STXBP5L: variants seen among roughly 807,000 people sequenced by gnomAD.
STXBP5L encodes syntaxin-binding protein 5-like.
A neutral mutation model predicts 144.5 loss-of-function variants in STXBP5L; 65 were observed. That is an observed-to-expected ratio of 0.45 (90% CI 0.37 to 0.55). The LOEUF (loss-of-function observed/expected upper bound fraction) is 0.55, where lower values mean the gene tolerates loss of function less well. Ranked by LOEUF, STXBP5L falls within the 20% of genes least tolerant of loss-of-function variation. The pLI is 0.00. For missense variants in STXBP5L, 1,298 were observed against 1,405.5 expected, an observed-to-expected ratio of 0.92 and a Z score of 1.22; for synonymous variants, 505 against 469.6, an observed-to-expected ratio of 1.08 and a Z score of -0.97.
chr3:121,054,155 A>G (rs1253657269), intron 5 of STXBP5L, among the ~76,000 whole-genome samples: 2 of 152,202 alleles, frequency 1.3e-5, no homozygotes, highest in South Asian at 2.1e-4. Flanking sequence ...ACTGTAATCT[A>G]GTTCAACCAT....
At chr3:120,945,703 C>G (rs1228190282) in intron 2 of STXBP5L, among the ~76,000 whole-genome samples, 1 of 151,732 alleles carries the variant, frequency 6.6e-6, no homozygotes, top group Non-Finnish European at 1.5e-5. Flanking sequence ...TTCACATAAA[C>G]TGCTTGGAAA....
At chr3:121,104,358 A>G (rs868552225) in intron 5 of STXBP5L, among the ~76,000 whole-genome samples, 3 of 152,314 alleles carry the variant, frequency 2.0e-5, no homozygotes, top group Middle Eastern at 3.4e-3. Context: ...ATTCCCATTA[A>G]AATACCATCA....
At chr3:121,303,155 A>G (rs1443923268) in intron 19 of STXBP5L, among the ~76,000 whole-genome samples, 1 of 152,224 alleles carries the variant, frequency 6.6e-6, no homozygotes, top group East Asian at 1.9e-4. Context: ...TAATATCCAG[A>G]ATCTACAATG....
intron 2 of STXBP5L, among the ~76,000 whole-genome samples, chr3:120,939,128 C>T (rs1710422992): frequency 6.6e-6 from 1 of 152,064 alleles, no homozygotes; most frequent in Non-Finnish European, 1.5e-5. Context: ...GTAATCATAC[C>T]ACCCATCTCA....
intron 5 of STXBP5L, among the ~76,000 whole-genome samples, chr3:121,097,358 G>A (rs1299440044): frequency 6.6e-6 from 1 of 152,118 alleles, no homozygotes; most frequent in Non-Finnish European, 1.5e-5. Flanking sequence ...ACTGGGGTAT[G>A]GAAAGAAAAA....
At position 121,006,456 on chromosome 3, in the gene STXBP5L, G is replaced by T. The variant is rs140920531; in HGVS notation, c.288-35244G>T. 2.9e-4 allele frequency among the ~76,000 whole-genome samples: 44 copies of T among 152,240 alleles called. No individual in the cohort carries two copies. The East Asian group carries it at 7.7e-3, about 27-fold the overall frequency. ...TGAGCCTATGTGTGTCCCTGCACGT[G>T]AGATGGGTTTCCTCAATACAGCACA... On this transcript the variant is annotated intron_variant, in intron 3 of 26. Coordinates refer to ENST00000471454, the MANE Select transcript of STXBP5L (RefSeq NM_001308330.2).
intron 5 of STXBP5L, among the ~76,000 whole-genome samples, chr3:121,101,139 G>A (rs2043402395): frequency 6.6e-6 from 1 of 151,986 alleles, no homozygotes; most frequent in Non-Finnish European, 1.5e-5. Flanking sequence ...ACAAGATGGA[G>A]TCACAGTCAA....
intron 9 of STXBP5L, among the ~76,000 whole-genome samples, chr3:121,185,554 A>T (rs1307263098): frequency 6.6e-6 from 1 of 152,154 alleles, no homozygotes; most frequent in Non-Finnish European, 1.5e-5. Flanking sequence ...TTGAATAGGG[A>T]GTCCTTTCTC....
chr3:121,291,827 G>A (rs934515288), intron 19 of STXBP5L, among the ~76,000 whole-genome samples: 1 of 152,126 alleles, frequency 6.6e-6, no homozygotes, highest in African/African-American at 2.4e-5. Flanking sequence ...TTCAATAAAT[G>A]ATCCTGGCAT....
chr3:121,037,981 A>G (rs1371210228), intron 3 of STXBP5L, among the ~76,000 whole-genome samples: 1 of 151,938 alleles, frequency 6.6e-6, no homozygotes, highest in Non-Finnish European at 1.5e-5. Flanking sequence ...TTTAATTTCT[A>G]AAGTTTTTAT....
At chr3:121,407,833 T>C (rs1482465354) in intron 23 of STXBP5L, among the ~76,000 whole-genome samples, 2 of 152,066 alleles carry the variant, frequency 1.3e-5, no homozygotes, top group African/African-American at 2.4e-5. Flanking sequence ...GAGTGAAATA[T>C]ATTTTTAATT....
At position 121,400,400 on chromosome 3, in the gene STXBP5L, C is replaced by G. The variant is rs1195562786; in HGVS notation, c.2588-6843C>G. Among the ~76,000 whole-genome samples, 3 of 152,204 alleles carry G rather than the reference C, an allele frequency of 2.0e-5. No homozygotes were observed. The East Asian group carries it at 5.8e-4, about 29-fold the overall frequency. On this transcript the variant is annotated intron_variant, in intron 22 of 26. Transcript: ENST00000471454. ...CCTGAGTTGGTAGTACTTGGTGACT[C>G]TAGCATGTGATCGGCCAACCAGAGG... is the stretch of plus-strand genomic sequence containing the variant.
At chr3:121,039,232 C>G (rs1418446538) in intron 3 of STXBP5L, among the ~76,000 whole-genome samples, 6 of 151,832 alleles carry the variant, frequency 4.0e-5, no homozygotes, top group Non-Finnish European at 7.4e-5. Flanking sequence ...TTCATTTTGT[C>G]TCCTTCGTTG....
intron 10 of STXBP5L, among the ~76,000 whole-genome samples, chr3:121,217,122 TG>T (rs1482508990): frequency 6.6e-6 from 1 of 152,140 alleles, no homozygotes; most frequent in African/African-American, 2.4e-5. Context: ...CTATGCTCTG[TG>T]GGGTTGGGAT....
intron 3 of STXBP5L, among the ~76,000 whole-genome samples, chr3:120,970,245 A>T (rs996438375): frequency 6.6e-6 from 1 of 152,080 alleles, no homozygotes; most frequent in African/African-American, 2.4e-5. Context: ...ACAGTTTTAG[A>T]ATATTCTGAA....
intron 14 of STXBP5L, 30 bp from the exon 15 acceptor site, chr3:121,250,688 ATACTT>A (rs1304799958): frequency 6.5e-7 from 1 of 1,545,232 alleles, no homozygotes; most frequent in Non-Finnish European, 8.9e-7. Context: ...TTTATTTAGT[ATACTT>A]TAATTAATGC....
chr3:121,363,251 C>G (rs1260656458), intron 20 of STXBP5L, among the ~76,000 whole-genome samples: 1 of 152,130 alleles, frequency 6.6e-6, no homozygotes, highest in Non-Finnish European at 1.5e-5. Flanking sequence ...GCTGGTGTCT[C>G]AATATGTTGT....
At chr3:121,203,174 G>A (rs1403979645) in intron 9 of STXBP5L, among the ~76,000 whole-genome samples, 1 of 150,882 alleles carries the variant, frequency 6.6e-6, no homozygotes, top group African/African-American at 2.4e-5. Flanking sequence ...TAATATTTTT[G>A]AAACATTGCT....
chr3:121,002,557 TTTG>T (rs1366141466), intron 3 of STXBP5L, among the ~76,000 whole-genome samples: 2 of 152,234 alleles, frequency 1.3e-5, no homozygotes, highest in East Asian at 1.9e-4. Context: ...ATTTGTTTAT[TTTG>T]TTGTTGTTTT....
Sources: allele counts gnomAD v4.1 joint callset (sites outside exome capture counted in the v4.1 genomes callset), GRCh38; gene constraint gnomAD v4.1.1; transcripts MANE v1.5; gene names NCBI Gene and HGNC (gene_info 2026-07-23, HGNC 2026-07-21).